The following ARHGAP31 variants were observed in gnomAD, a reference collection of about 807,000 sequenced individuals.
The protein encoded by ARHGAP31 is Rho GTPase activating protein 31.
ARHGAP31 carries 34 observed loss-of-function variants against 113.9 expected under a neutral mutation model. That is an observed-to-expected ratio of 0.30 (90% CI 0.23 to 0.40). The LOEUF (loss-of-function observed/expected upper bound fraction) is 0.40, where lower values mean the gene tolerates loss of function less well. Ranked by LOEUF, ARHGAP31 falls within the 10% of genes least tolerant of loss-of-function variation. The pLI, the probability that ARHGAP31 is intolerant of heterozygous loss-of-function variation, is 1.00. For missense variants in ARHGAP31, 1,548 were observed against 1,767.1 expected (o/e 0.88, Z 2.22); for synonymous variants, 650 against 684.8 (o/e 0.95, Z 0.79).
intron 11 of ARHGAP31, among the ~76,000 whole-genome samples, chr3:119,412,181 G>A (rs1277625566): frequency 6.6e-6 from 1 of 152,100 alleles, no homozygotes; most frequent in African/African-American, 2.4e-5. Flanking sequence ...CTGAGGTCAG[G>A]AGTTTGTGAC....
intron 9 of ARHGAP31, 43 bp from the exon 10 acceptor site, chr3:119,401,779 G>T (rs759555186): frequency 6.3e-7 from 1 of 1,595,662 alleles, no homozygotes; most frequent in East Asian, 2.2e-5. Context: ...GCTATTGTAT[G>T]TGTGCCCCGG....
intron 3 of ARHGAP31, among the ~76,000 whole-genome samples, chr3:119,378,243 G>A (rs1489543906): frequency 6.6e-6 from 1 of 152,192 alleles, no homozygotes; most frequent in Admixed American, 6.5e-5. Flanking sequence ...CCAGCTGTGG[G>A]TTCTGTGGTC....
At chr3:119,312,089 A>AGAGTG in intron 1 of ARHGAP31, among the ~76,000 whole-genome samples, 1 of 152,378 alleles carries the variant, frequency 6.6e-6, no homozygotes, top group Admixed American at 6.5e-5. Context: ...CAGGGAAAAG[A>AGAGTG]GAGTGGTGAA....
intron 1 of ARHGAP31, among the ~76,000 whole-genome samples, chr3:119,341,342 TA>T (rs534845492): frequency 2.0e-5 from 3 of 152,338 alleles, no homozygotes; most frequent in African/African-American, 7.2e-5. Flanking sequence ...TTGCTGATGA[TA>T]ATAATAACAG....
chr3:119,402,806 T>C (rs745830571), intron 10 of ARHGAP31, among the ~76,000 whole-genome samples: 8 of 152,204 alleles, frequency 5.3e-5, no homozygotes, highest in Non-Finnish European at 8.8e-5. Flanking sequence ...AGAGCTGGAA[T>C]TGGGGATTCA....
chr3:119,314,714 A>G (rs555013129), intron 1 of ARHGAP31: 2 of 152,400 alleles, frequency 1.3e-5, no homozygotes, highest in East Asian at 3.9e-4. Flanking sequence ...TTCTGCAGAT[A>G]ATTGTCATCT....
At chr3:119,321,230 C>T (rs1246277175) in intron 1 of ARHGAP31, among the ~76,000 whole-genome samples, 1 of 142,732 alleles carries the variant, frequency 7.0e-6, no homozygotes, top group Non-Finnish European at 1.6e-5. Flanking sequence ...ATCTTTCACC[C>T]AGGCCCGGTG....
intron 3 of ARHGAP31, among the ~76,000 whole-genome samples, chr3:119,376,657 C>T (rs970864935): frequency 3.9e-5 from 6 of 152,032 alleles, no homozygotes; most frequent in Non-Finnish European, 8.8e-5. Context: ...CTCTGATTAT[C>T]CTATCTACAA....
chr3:119,332,604 TTCTCTCTCTCTCTCTC>T (rs34228523), intron 1 of ARHGAP31, among the ~76,000 whole-genome samples: 1 of 105,792 alleles, frequency 9.5e-6, no homozygotes, highest in African/African-American at 3.5e-5. Context: ...CTCTCTCTCT[TTCTCTCTCTCTCTCTC>T]TCTCTCTCTC....
At chr3:119,301,398 A>G (rs1161471825) in intron 1 of ARHGAP31, among the ~76,000 whole-genome samples, 1 of 152,206 alleles carries the variant, frequency 6.6e-6, no homozygotes, top group Non-Finnish European at 1.5e-5. Context: ...AGAGGGAAAC[A>G]TGTTGAAACT....
At position 119,364,263 on chromosome 3, in the gene ARHGAP31, T is replaced by TA. The variant is rs202131940; in HGVS notation, c.101-1043dup. Among the ~76,000 whole-genome samples the TA allele has an allele frequency of 1.0e-3, 154 of 147,964 alleles. 1 individual carries two copies. The highest frequency in any genetic ancestry group is 3.5e-3 in the African/African-American group (140 of 40,426). Reference sequence around the variant, plus strand: ...GAGGTGGGGGGGCCGTTCTTACCTTTAAAAAAAAAACACTTTATCACTTTA... The same window carrying TA: ...GAGGTGGGGGGGCCGTTCTTACCTTTAAAAAAAAAAACACTTTATCACTTTA... On this transcript the variant is annotated intron_variant, in intron 1 of 11. Coordinates refer to ENST00000264245, the MANE Select transcript of ARHGAP31 (RefSeq NM_020754.4).
At chr3:119,307,508 C>G (rs976438038) in intron 1 of ARHGAP31, among the ~76,000 whole-genome samples, 5 of 152,064 alleles carry the variant, frequency 3.3e-5, no homozygotes, top group African/African-American at 7.2e-5. Context: ...CTAAGAAATT[C>G]TCTTGTATGT....
intron 1 of ARHGAP31, among the ~76,000 whole-genome samples, chr3:119,311,558 G>A (rs2079683683): frequency 6.6e-6 from 1 of 152,178 alleles, no homozygotes; most frequent in African/African-American, 2.4e-5. Context: ...GGACCTCTTT[G>A]GGGGGACGTT....
At position 119,352,200 on chromosome 3, in the gene ARHGAP31, G is replaced by A. The variant is rs545098116; in HGVS notation, c.101-13116G>A. Among the ~76,000 whole-genome samples the A allele has an allele frequency of 5.3e-5, 8 of 152,280 alleles. 1 individual carries two copies. In the East Asian group the frequency reaches 1.5e-3, roughly 29 times the overall value. On this transcript the variant is annotated intron_variant, in intron 1 of 11. Transcript: ENST00000264245. ...TGAATAGGGCCAGCTCTAAGACCAA[G>A]GTCACATGGGGATGTCTTGCAGGTT...
At chr3:119,335,791 G>A (rs1364175570) in intron 1 of ARHGAP31, among the ~76,000 whole-genome samples, 1 of 152,202 alleles carries the variant, frequency 6.6e-6, no homozygotes, top group African/African-American at 2.4e-5. Context: ...CCTAGGGATT[G>A]TTCATGGTTC....
At chr3:119,334,263 C>T (rs947786336) in intron 1 of ARHGAP31, among the ~76,000 whole-genome samples, 8 of 152,178 alleles carry the variant, frequency 5.3e-5, no homozygotes, top group African/African-American at 1.9e-4. Context: ...CCACCCTGTC[C>T]TTTTGGCCTG....
intron 1 of ARHGAP31, among the ~76,000 whole-genome samples, chr3:119,331,418 T>C (rs1576997504): frequency 6.6e-6 from 1 of 152,320 alleles, no homozygotes; most frequent in South Asian, 2.1e-4. Flanking sequence ...GAAGCCGTAT[T>C]AATTACTTTT....
chr3:119,396,574 G>T (rs768157273), intron 8 of ARHGAP31, among the ~76,000 whole-genome samples: 1 of 152,202 alleles, frequency 6.6e-6, no homozygotes, highest in African/African-American at 2.4e-5. Context: ...TGTGATTAAA[G>T]TTAGGCCATT....
intron 2 of ARHGAP31, among the ~76,000 whole-genome samples, chr3:119,366,401 A>G (rs2080252236): frequency 6.6e-6 from 1 of 152,146 alleles, no homozygotes; most frequent in Admixed American, 6.5e-5. Context: ...GATTGTAATT[A>G]AATTATACCA....
Sources: gnomAD v4.1 joint callset for allele counts (sites outside exome capture counted in the v4.1 genomes callset) on GRCh38, gnomAD v4.1.1 for gene constraint, MANE v1.5 for transcripts, NCBI Gene and HGNC (gene_info 2026-07-23, HGNC 2026-07-21) for gene names.